Variants in PEMT observed in about 807,000 individuals in gnomAD.
PEMT encodes the protein phospholipid methyltransferase.
PEMT carries 23 observed loss-of-function variants against 27.4 expected under a neutral mutation model. The observed-to-expected ratio is 0.84, with a 90% CI of 0.60 to 1.19. The LOEUF (loss-of-function observed/expected upper bound fraction) is 1.19, where lower values mean the gene tolerates loss of function less well. Ranked by LOEUF, PEMT falls within the 50% of genes most tolerant of loss-of-function variation. PEMT has a pLI of 0.00. For missense variants in PEMT, 307 were observed against 310.1 expected (o/e 0.99, Z 0.07); for synonymous variants, 137 against 139.1 (o/e 0.98, Z 0.11).
chr17:17,545,365 C>T (rs1318381200), intron 2 of PEMT, among the ~76,000 whole-genome samples: 2 of 152,208 alleles, frequency 1.3e-5, no homozygotes, highest in Admixed American at 6.5e-5. Flanking sequence ...CAGCACGTTG[C>T]ATGCTCCTCA....
At chr17:17,589,408 G>T (rs1235695340) in intron 1 of PEMT, among the ~76,000 whole-genome samples, 1 of 152,088 alleles carries the variant, frequency 6.6e-6, no homozygotes, top group Non-Finnish European at 1.5e-5. Flanking sequence ...GTCACAGGCA[G>T]TGCCACAAGC....
At chr17:17,520,173 G>A (rs1283407315) in intron 3 of PEMT, among the ~76,000 whole-genome samples, 5 of 152,192 alleles carry the variant, frequency 3.3e-5, no homozygotes, top group Admixed American at 3.3e-4. Context: ...GGGGAGTGTG[G>A]ATGCCTGGGG....
intron 2 of PEMT, among the ~76,000 whole-genome samples, chr17:17,552,399 T>C (rs571132217): frequency 5.9e-5 from 9 of 152,328 alleles, no homozygotes; most frequent in African/African-American, 1.9e-4. Flanking sequence ...GGGTATTTCA[T>C]CTGCCATTTG....
chr17:17,577,559 C>A, intron 1 of PEMT: 1 of 988,900 alleles, frequency 1.0e-6, no homozygotes, highest in Non-Finnish European at 1.2e-6. Flanking sequence ...GGCCACGCCA[C>A]CCGCATACGG....
chr17:17,553,388 T>C (rs1909803331), intron 2 of PEMT, among the ~76,000 whole-genome samples: 1 of 152,182 alleles, frequency 6.6e-6, no homozygotes, highest in Non-Finnish European at 1.5e-5. Context: ...ACTATCCCTG[T>C]CTTCTGTGGA....
At chr17:17,544,453 G>C (rs375145333) in intron 2 of PEMT, among the ~76,000 whole-genome samples, 35 of 152,050 alleles carry the variant, frequency 2.3e-4, no homozygotes, top group African/African-American at 8.2e-4. Flanking sequence ...GCTAATTTTC[G>C]TATTTGTAGT....
At position 17,523,780 on chromosome 17, in the gene PEMT, G is replaced by A. The variant is rs1011721652; in HGVS notation, c.205-1385C>T. On this transcript the variant is annotated intron_variant, in intron 2 of 6. Coordinates refer to ENST00000255389, the MANE Select transcript of PEMT (RefSeq NM_148172.3). The surrounding 1 kb of genome is among the most constrained non-coding windows in gnomAD (Gnocchi z 4.8). ...GAGCAGTCTGCAGAGAGCACCGCGG[G>A]GGCCCAGGACCACAGCCTGCTTTGT... Among the ~76,000 whole-genome samples, 1 of 152,160 alleles carries A rather than the reference G, an allele frequency of 6.6e-6. No individual in the cohort carries two copies. Among genetic ancestry groups the A allele is most frequent in the African/African-American group, 2.4e-5 (1 of 41,404 alleles).
chr17:17,559,446 G>A (rs1910307208), intron 2 of PEMT, among the ~76,000 whole-genome samples: 5 of 152,236 alleles, frequency 3.3e-5, no homozygotes. Context: ...TCAGAGGCCT[G>A]TCGGGGAAGG....
chr17:17,590,830 T>C (rs1233495671), intron 1 of PEMT, among the ~76,000 whole-genome samples: 1 of 152,188 alleles, frequency 6.6e-6, no homozygotes, highest in African/African-American at 2.4e-5. Context: ...TCCATTGGAA[T>C]TGGGAGCCTG....
intron 1 of PEMT, among the ~76,000 whole-genome samples, chr17:17,583,697 C>T (rs958541837): frequency 2.6e-5 from 4 of 152,228 alleles, no homozygotes; most frequent in Non-Finnish European, 4.4e-5. Context: ...CACTCAGGGC[C>T]GAGGCTGGCG....
At chr17:17,529,882 C>T (rs146704206) in intron 2 of PEMT, among the ~76,000 whole-genome samples, 5 of 152,254 alleles carry the variant, frequency 3.3e-5, no homozygotes, top group African/African-American at 4.8e-5. Flanking sequence ...GAATGAACTG[C>T]GCTACAGCCC....
intron 2 of PEMT, among the ~76,000 whole-genome samples, chr17:17,524,774 G>A (rs964666105): frequency 2.0e-5 from 3 of 152,066 alleles, no homozygotes; most frequent in Non-Finnish European, 4.4e-5. Flanking sequence ...CCATCCTAGT[G>A]GGTGTCAGGT....
intron 1 of PEMT, chr17:17,591,328 T>C: frequency 1.8e-6 from 1 of 551,646 alleles, no homozygotes; most frequent in South Asian, 2.3e-5. Context: ...CAATCTGAGG[T>C]TTACACGCGC....
At chr17:17,554,011 G>A (rs1396845508) in intron 2 of PEMT, among the ~76,000 whole-genome samples, 2 of 152,366 alleles carry the variant, frequency 1.3e-5, no homozygotes, top group South Asian at 2.1e-4. Flanking sequence ...AGGCTTCTGC[G>A]GGAGGAGGCA....
chr17:17,577,312 C>T, intron 1 of PEMT: 1 of 489,150 alleles, frequency 2.0e-6, no homozygotes, highest in South Asian at 2.2e-5. Context: ...AGGGAGGTGA[C>T]ACCAACCCTG....
chr17:17,591,413 CATTGCCTGGGAACTGGCGG>C, intron 1 of PEMT, 99 bp downstream of exon 1: 1 of 856,226 alleles, frequency 1.2e-6, no homozygotes, highest in Admixed American at 2.7e-5. Context: ...GCCACGCCCC[CATTGCCTGGGAACTGGCGG>C]CCCCGCCCCG....
At chr17:17,575,466 C>T (rs1211332361) in intron 2 of PEMT, among the ~76,000 whole-genome samples, 1 of 152,174 alleles carries the variant, frequency 6.6e-6, no homozygotes, top group East Asian at 1.9e-4. Context: ...CCCTTCACCA[C>T]CTCATATCTC....
chr17:17,570,655 G>C (rs1219461762), intron 2 of PEMT: 8 of 985,328 alleles, frequency 8.1e-6, no homozygotes, highest in Non-Finnish European at 9.6e-6. Flanking sequence ...TGGGATGACT[G>C]AGGATACAGG....
At chr17:17,509,893 C>G (rs116602444) in intron 4 of PEMT, among the ~76,000 whole-genome samples, 2 of 152,188 alleles carry the variant, frequency 1.3e-5, no homozygotes, top group African/African-American at 4.8e-5. Flanking sequence ...GTACAGAGAG[C>G]GCCTTTCCTC....
Sources: gnomAD v4.1 joint callset for allele counts (sites outside exome capture counted in the v4.1 genomes callset) on GRCh38, gnomAD v4.1.1 for gene constraint, Gnocchi (gnomAD v3.1) non-coding constraint, MANE v1.5 for transcripts, NCBI Gene and HGNC (gene_info 2026-07-23, HGNC 2026-07-21) for gene names.